DYNC2H1: variants seen among roughly 807,000 people sequenced by gnomAD.
The protein encoded by DYNC2H1 is cytoplasmic dynein 2 heavy chain 1.
A neutral mutation model predicts 570.0 loss-of-function variants in DYNC2H1; 410 were observed. The ratio of observed to expected loss-of-function variants is 0.72; its 90% CI spans 0.66 to 0.78. DYNC2H1 has a LOEUF of 0.78. Ranked by LOEUF, DYNC2H1 falls within the 30% of genes least tolerant of loss-of-function variation. The pLI, the probability that DYNC2H1 is intolerant of heterozygous loss-of-function variation, is 0.00. For missense variants in DYNC2H1, 4,865 were observed against 5,046.4 expected (o/e 0.96, Z 1.09); for synonymous variants, 1,688 against 1,677.6 (o/e 1.01, Z -0.15).
intron 75 of DYNC2H1, among the ~76,000 whole-genome samples, chr11:103,290,511 G>A (rs962189878): frequency 2.0e-5 from 3 of 152,036 alleles, no homozygotes; most frequent in Non-Finnish European, 2.9e-5. Flanking sequence ...TATTAAACTC[G>A]CTTAAATGAA....
In DYNC2H1 at chr11:103,145,842, T is replaced by C. The variant is rs1427127872; in HGVS notation, c.2703-1930T>C. Among the ~76,000 whole-genome samples the C allele has an allele frequency of 2.0e-5, 3 of 152,210 alleles. No homozygotes were observed. The highest frequency in any genetic ancestry group is 7.2e-5 in the African/African-American group (3 of 41,454). On this transcript the variant is annotated intron_variant, in intron 18 of 88. Transcript: ENST00000375735. The surrounding 1 kb of genome is among the most constrained non-coding windows in gnomAD (Gnocchi z 4.2). Reference sequence around the variant, plus strand: ...ATCTATGGCTGAACAGAATCTCAGTTTCATATTGTGAATATTTTCAAATGA... The same window carrying C: ...ATCTATGGCTGAACAGAATCTCAGTCTCATATTGTGAATATTTTCAAATGA...
At chr11:103,304,309 T>C (rs1195377742) in intron 76 of DYNC2H1, among the ~76,000 whole-genome samples, 1 of 152,154 alleles carries the variant, frequency 6.6e-6, no homozygotes, top group Non-Finnish European at 1.5e-5. Flanking sequence ...TAGATTAGTT[T>C]ATACATTAGG....
intron 69 of DYNC2H1, among the ~76,000 whole-genome samples, chr11:103,258,399 C>T (rs657752): frequency 0.056 from 8,499 of 152,188 alleles, 317 homozygotes; most frequent in East Asian, 0.13. Context: ...CGTATTAATC[C>T]GAAACTTGGC....
At chr11:103,274,056 T>G (rs1296005605) in intron 70 of DYNC2H1, among the ~76,000 whole-genome samples, 2 of 152,202 alleles carry the variant, frequency 1.3e-5, no homozygotes, top group East Asian at 3.9e-4. Context: ...GAGACTACAT[T>G]GTTCTTCCTC....
At chr11:103,193,486 C>G (rs1005086841) in intron 47 of DYNC2H1, among the ~76,000 whole-genome samples, 1 of 151,598 alleles carries the variant, frequency 6.6e-6, no homozygotes, top group Non-Finnish European at 1.5e-5. Context: ...TAAAATATGT[C>G]TTTTTTTGTT....
intron 70 of DYNC2H1, among the ~76,000 whole-genome samples, chr11:103,265,177 CAG>C (rs1434717888): frequency 6.6e-6 from 1 of 152,104 alleles, no homozygotes; most frequent in Non-Finnish European, 1.5e-5. Context: ...CACATGGACA[CAG>C]AGAGGGGAAC....
intron 58 of DYNC2H1, 89 bp from the exon 59 acceptor site, chr11:103,222,876 T>C: frequency 6.5e-7 from 1 of 1,534,596 alleles, no homozygotes; most frequent in Non-Finnish European, 8.9e-7. Context: ...GTCAAGTTAA[T>C]AAGTGCCCAA....
chr11:103,435,281 C>T (rs976522224), intron 84 of DYNC2H1, among the ~76,000 whole-genome samples: 2 of 152,020 alleles, frequency 1.3e-5, no homozygotes, highest in Non-Finnish European at 2.9e-5. Flanking sequence ...TACCACACTT[C>T]AGAAAAATAA....
intron 75 of DYNC2H1, among the ~76,000 whole-genome samples, chr11:103,290,609 A>T (rs313385): frequency 0.1 from 15,531 of 152,202 alleles, 1,317 homozygotes; most frequent in African/African-American, 0.22. Flanking sequence ...AGACAACATC[A>T]TGACTCAGAC....
chr11:103,432,987 GATTGA>G (rs1472656972), intron 84 of DYNC2H1, among the ~76,000 whole-genome samples: 2 of 152,004 alleles, frequency 1.3e-5, no homozygotes, highest in East Asian at 1.9e-4. Flanking sequence ...AGACTTCCTT[GATTGA>G]ATTGTTTTTT....
chr11:103,331,066 A>G (rs1179385901), intron 82 of DYNC2H1, among the ~76,000 whole-genome samples: 1 of 152,224 alleles, frequency 6.6e-6, no homozygotes, highest in Non-Finnish European at 1.5e-5. Flanking sequence ...GGGCAAAAAT[A>G]TGAAATCTAA....
At chr11:103,132,583 A>G (rs1456176529) in intron 13 of DYNC2H1, among the ~76,000 whole-genome samples, 8 of 151,794 alleles carry the variant, frequency 5.3e-5, no homozygotes, top group Non-Finnish European at 1.2e-4. Flanking sequence ...ATATTATATT[A>G]TGATGCACTG....
At position 103,340,602 on chromosome 11, in the gene DYNC2H1, G is replaced by A. The variant is rs1232167860; in HGVS notation, c.12039+16612G>A. ...TTTCTTCAGTATTATTCAAAGGCCT[G>A]TCACATTTTATGGTAAATATTGATT... On this transcript the variant is annotated intron_variant, in intron 82 of 88. Coordinates refer to ENST00000375735, the MANE Select transcript of DYNC2H1 (RefSeq NM_001377.3). 2.6e-5 allele frequency among the ~76,000 whole-genome samples: 4 copies of A among 152,150 alleles called. No individual in the cohort carries two copies. In the East Asian group the frequency reaches 5.8e-4, roughly 22 times the overall value.
chr11:103,424,028 A>C (rs529246823), intron 84 of DYNC2H1, among the ~76,000 whole-genome samples: 6 of 152,154 alleles, frequency 3.9e-5, no homozygotes, highest in Non-Finnish European at 7.4e-5. Context: ...TTGTGCACTG[A>C]GAGCTACACA....
intron 73 of DYNC2H1, among the ~76,000 whole-genome samples, chr11:103,283,830 G>A (rs1256498627): frequency 2.0e-5 from 3 of 151,492 alleles, no homozygotes; most frequent in Non-Finnish European, 4.4e-5. Context: ...CATTGGTTGA[G>A]TAAAAGAAAT....
intron 26 of DYNC2H1, among the ~76,000 whole-genome samples, chr11:103,158,392 T>C (rs1860930254): frequency 1.3e-5 from 2 of 152,266 alleles, no homozygotes; most frequent in South Asian, 2.1e-4. Context: ...GAGTTTGCAG[T>C]GAGCAGAGAT....
Position 103,158,733 on chromosome 11 carries a change from C to G in DYNC2H1, c.4184C>G (p.Ala1395Gly). The G allele has an allele frequency of 6.5e-7, 1 of 1,526,756 alleles. No homozygotes were observed. Among genetic ancestry groups the G allele is most frequent in the Middle Eastern group, 1.8e-4 (1 of 5,594 alleles). 94.6% of individuals were successfully genotyped at this position (1,526,756 alleles called of 1,614,324 possible). The change falls in exon 27 of 89, where the codon GCT (alanine) becomes GGT (glycine). Residue 1395 changes from alanine to glycine, a missense_variant. Around this residue, in one of 5 missense-constraint regions of DYNC2H1, gnomAD observed 1,936 missense variants for 1,962.1 expected, o/e 0.99. Coordinates refer to ENST00000375735, the MANE Select transcript of DYNC2H1 (RefSeq NM_001377.3). ...AGAGTCACAACATTAACTACTCATG[C>G]TGGAATAAGAAATTCTCTACTAACA... is the stretch of plus-strand genomic sequence containing the variant. ...DNRVTTLTTHAGIRNSLLTIL... is the reference protein window; with the variant it reads ...DNRVTTLTTHGGIRNSLLTIL...
intron 87 of DYNC2H1, 37 bp downstream of exon 87, chr11:103,456,393 T>G: frequency 1.3e-6 from 2 of 1,503,788 alleles, no homozygotes. Flanking sequence ...ATCTCAGCCT[T>G]ATCACCAACT....
chr11:103,457,989 TAATTATTGAAGAAAATTATTTTTAACA>T (rs1275621317), intron 87 of DYNC2H1, among the ~76,000 whole-genome samples: 9 of 152,246 alleles, frequency 5.9e-5, no homozygotes, highest in South Asian at 2.1e-4. Flanking sequence ...AAGCTAAGGT[TAATTATTGAAGAAAATTATTTTTAACA>T]AATTATTGAA....
Sources: gnomAD v4.1 joint callset for allele counts (sites outside exome capture counted in the v4.1 genomes callset) on GRCh38, gnomAD v4.1.1 for gene constraint, gnomAD v4.1.1 regional missense constraint, Gnocchi (gnomAD v3.1) non-coding constraint, MANE v1.5 for transcripts, NCBI Gene and HGNC (gene_info 2026-07-23, HGNC 2026-07-21) for gene names.